SLC19A1: variants seen among roughly 807,000 people sequenced by gnomAD.
SLC19A1 encodes the protein reduced folate transporter.
In SLC19A1, 37 loss-of-function variants were observed where a neutral mutation model predicts 35.3. The ratio of observed to expected loss-of-function variants is 1.05; its 90% CI spans 0.81 to 1.38. The LOEUF (loss-of-function observed/expected upper bound fraction) is 1.38. SLC19A1 is among the 40% of genes most tolerant of loss of function. The pLI, the probability that SLC19A1 is intolerant of heterozygous loss-of-function variation, is 0.00. For synonymous variants in SLC19A1, 460 were observed against 398.5 expected, an observed-to-expected ratio of 1.15 and a Z score of -1.84; for missense variants, 831 against 826.9, an observed-to-expected ratio of 1.00 and a Z score of -0.06.
chr21:45,527,142 G>T (rs1203480216), intron 4 of SLC19A1, among the ~76,000 whole-genome samples: 5 of 151,850 alleles, frequency 3.3e-5, no homozygotes, highest in Non-Finnish European at 7.4e-5. Flanking sequence ...GGCAGGGCAG[G>T]CCCTGGAGTT....
In SLC19A1 at chr21:45,525,971, A is replaced by G; in HGVS notation, c.1152-13T>C. On this transcript the variant is annotated splice_polypyrimidine_tract_variant and intron_variant, in intron 4 of 5. Transcript: ENST00000311124. The stretch of plus-strand genomic sequence containing the variant: ...TGCAATCTGAAAGCTGAACGGGAAG[A>G]GCGGGCAGATCAGGCGCTGCTGGGA... 1.9e-6 allele frequency: 3 copies of G among 1,612,204 alleles called. No homozygotes were observed. The highest frequency in any genetic ancestry group is 2.5e-6 in the Non-Finnish European group (3 of 1,179,358).
At chr21:45,511,462 G>C (rs2037604704), downstream of SLC19A1, among the ~76,000 whole-genome samples, 1 of 152,068 alleles carries the variant, frequency 6.6e-6, no homozygotes, top group Non-Finnish European at 1.5e-5. Context: ...AGGTGCCCCC[G>C]GCCCTCTGCT....
intron 3 of SLC19A1, chr21:45,504,504 GC>G (rs769882681): frequency 1.9e-5 from 27 of 1,392,616 alleles, no homozygotes; most frequent in Non-Finnish European, 2.4e-5. Flanking sequence ...AGCCTGCCCG[GC>G]CCCCCCGGCC....
chr21:45,510,101 G>T, downstream of SLC19A1: 2 of 1,590,444 alleles, frequency 1.3e-6, no homozygotes, highest in Non-Finnish European at 8.5e-7. Context: ...CTGTCAGGCG[G>T]CATGCGGGGC....
intron 1 of SLC19A1, among the ~76,000 whole-genome samples, chr21:45,550,921 C>CG (rs1184375924): frequency 1.9e-5 from 2 of 105,522 alleles, no homozygotes; most frequent in Admixed American, 1.9e-4. Context: ...CCACCCTCCC[C>CG]CCGCCTCCCC....
chr21:45,510,366 T>C (rs746331987), downstream of SLC19A1: 63 of 1,280,092 alleles, frequency 4.9e-5, no homozygotes, highest in Middle Eastern at 2.0e-4. Flanking sequence ...GAGGCCACCA[T>C]GTTACAGACA....
rs529593346 is a variant in SLC19A1 at position 45,558,353 on chromosome 21, G to A, written c.-50+4389C>T. Among the ~76,000 whole-genome samples, 4 of 152,358 alleles carry A rather than the reference G, an allele frequency of 2.6e-5. No individual in the cohort carries two copies. In the East Asian group the frequency reaches 7.7e-4, roughly 29 times the overall value. On this transcript the variant is annotated intron_variant, in intron 1 of 5. Coordinates refer to the SLC19A1 transcript ENST00000650808. ...CCCAGGGTGTGGGCCTGCAGCTCTG[G>A]CTGCTGAGAAATCCCCAGTGGGCCC...
At position 45,515,918 on chromosome 21, in the gene SLC19A1, C is replaced by A. The variant is rs757445943; in HGVS notation, c.1516G>T (p.Asp506Tyr). Residue 506 changes from aspartate to tyrosine, a missense_variant, in exon 6 of 6, where the codon GAC becomes TAC. Coordinates refer to ENST00000311124, the MANE Select transcript of SLC19A1 (RefSeq NM_194255.4). ...PAQSPPLSPE[D>Y]SLGAVGPASL... ...GCTGGCCCCACAGCCCCCAGGCTGT[C>A]TTCTGGGGAAAGCGGCGGGCTCTGG... is the stretch of plus-strand genomic sequence containing the variant. The A allele has an allele frequency of 3.9e-6, 6 of 1,549,974 alleles. No individual in the cohort carries two copies. The East Asian group carries it at 1.2e-4, about 30-fold the overall frequency.
Position 45,504,452 on chromosome 21 carries a change from G to A in SLC19A1, c.498-5840C>T, listed in dbSNP as rs1157489152. On this transcript the variant is annotated intron_variant, in intron 3 of 4. Coordinates refer to the SLC19A1 transcript ENST00000417954. ...AGACCGAGGTGATGCAGGACAGAAAGGCGAAAGGGGGGAGCCCGGGGGCGG... is the reference window on the plus strand; with the variant it reads ...AGACCGAGGTGATGCAGGACAGAAAAGCGAAAGGGGGGAGCCCGGGGGCGG... 5 of 1,611,378 alleles carry A rather than the reference G, an allele frequency of 3.1e-6. No homozygotes were observed. In the East Asian group the frequency reaches 8.9e-5, roughly 29 times the overall value.
chr21:45,560,685 A>G (rs554149276), intron 1 of SLC19A1, among the ~76,000 whole-genome samples: 17 of 152,360 alleles, frequency 1.1e-4, no homozygotes, highest in African/African-American at 3.8e-4. Flanking sequence ...AGGACCAAGA[A>G]GAGGAATGAC....
upstream of SLC19A1, among the ~76,000 whole-genome samples, chr21:45,546,628 T>G (rs2078418861): frequency 6.6e-6 from 1 of 152,244 alleles, no homozygotes; most frequent in Admixed American, 6.5e-5. Context: ...TGAACCTCTT[T>G]GGAATCACAG....
At position 45,512,585 on chromosome 21, in the gene SLC19A1, A is replaced by C; in HGVS notation, c.*3073T>G. 1 of 643,158 alleles carries C rather than the reference A, an allele frequency of 1.6e-6. No homozygotes were observed. The highest frequency in any genetic ancestry group is 2.7e-6 in the Non-Finnish European group (1 of 373,922). 39.8% of individuals were successfully genotyped at this position (643,158 alleles called of 1,614,324 possible). ...AAGAGTGTATTTTTTTAAAAGTTTA[A>C]AACAGAAGCCTGATGCTGACATTCA... On this transcript the variant is annotated 3_prime_UTR_variant, in exon 6 of 6. Transcript: ENST00000311124.
rs1189451602 is a variant in SLC19A1, at chr21:45,533,843, T to G, written c.190-1695A>C. On this transcript the variant is annotated intron_variant, in intron 2 of 5. Coordinates refer to ENST00000311124, the MANE Select transcript of SLC19A1 (RefSeq NM_194255.4). This position sits in a 1 kb window ranked among gnomAD's most constrained non-coding sequence, Gnocchi z 4.5. ...TCGTGTCTGGCACACCCAAGATGTG[T>G]GGCCCGATGTGCTCAGAGCCCGGCC... Among the ~76,000 whole-genome samples, 2 of 152,134 alleles carry G rather than the reference T, an allele frequency of 1.3e-5. No homozygotes were observed. Among genetic ancestry groups the G allele is most frequent in the Admixed American group, 1.3e-4 (2 of 15,290 alleles).
At chr21:45,548,298 C>A (rs186716813), upstream of SLC19A1, among the ~76,000 whole-genome samples, 1 of 152,242 alleles carries the variant, frequency 6.6e-6, no homozygotes, top group African/African-American at 2.4e-5. Context: ...CCCTGTCAAA[C>A]TTGTAGATCT....
chr21:45,536,246 G>T, intron 2 of SLC19A1: 1 of 155,346 alleles, frequency 6.4e-6, no homozygotes, highest in Non-Finnish European at 1.4e-5. Context: ...CAACATGAGA[G>T]GGCAGGCAGA....
At chr21:45,510,348 G>A, downstream of SLC19A1, 1 of 1,372,024 alleles carries the variant, frequency 7.3e-7, no homozygotes, top group East Asian at 2.5e-5. Context: ...TCCCCTCTAG[G>A]GCCTCTGGAG....
At position 45,558,677 on chromosome 21, in the gene SLC19A1, AG is replaced by A. The variant is rs1260166062; in HGVS notation, c.-50+4064del. On this transcript the variant is annotated intron_variant, in intron 1 of 5. Coordinates refer to the SLC19A1 transcript ENST00000650808. Reference sequence around the variant, plus strand: ...AGCCCTGCGGCTGGGAATCTGAGGGAGTCGGGGCAGCCTTGTTGCCAGGGCA... The same window carrying A: ...AGCCCTGCGGCTGGGAATCTGAGGGATCGGGGCAGCCTTGTTGCCAGGGCA... 1.6e-4 allele frequency among the ~76,000 whole-genome samples: 25 copies of A among 152,278 alleles called. No homozygotes were observed. In the East Asian group the frequency reaches 4.6e-3, roughly 28 times the overall value.
chr21:45,516,463 C>A (rs985281527), intron 5 of SLC19A1, among the ~76,000 whole-genome samples: 1 of 152,212 alleles, frequency 6.6e-6, no homozygotes, highest in Non-Finnish European at 1.5e-5. Flanking sequence ...GCTGCCCCCC[C>A]ATGGTGCTGA....
chr21:45,549,847 C>G (rs928711145), intron 1 of SLC19A1, among the ~76,000 whole-genome samples: 2 of 151,556 alleles, frequency 1.3e-5, no homozygotes, highest in Non-Finnish European at 1.5e-5. Context: ...TGGGCGCACA[C>G]TGTGGCTCTT....
Sources: allele counts gnomAD v4.1 joint callset (sites outside exome capture counted in the v4.1 genomes callset), GRCh38; gene constraint gnomAD v4.1.1; non-coding constraint Gnocchi (gnomAD v3.1); transcripts MANE v1.5; gene names NCBI Gene and HGNC (gene_info 2026-07-23, HGNC 2026-07-21).